The following NKTR variants were observed in gnomAD, a reference collection of about 807,000 sequenced individuals.
NKTR encodes the protein NK-tumor recognition protein.
NKTR carries 67 observed loss-of-function variants against 156.3 expected under a neutral mutation model. The ratio of observed to expected loss-of-function variants is 0.43; its 90% CI spans 0.35 to 0.53. NKTR has a LOEUF of 0.53. NKTR is among the 20% of genes least tolerant of loss of function. NKTR has a pLI of 0.01. For missense variants in NKTR, 1,604 were observed against 1,730.9 expected (o/e 0.93, Z 1.30); for synonymous variants, 640 against 596.6 (o/e 1.07, Z -1.06).
intron 2 of NKTR, 120 bp downstream of exon 2, chr3:42,601,184 T>C (rs1484201438): frequency 6.0e-5 from 44 of 738,490 alleles, no homozygotes; most frequent in Non-Finnish European, 1.7e-5. Context: ...GCAGGCAACT[T>C]TCCGTTTTCT....
chr3:42,640,183 G>A (rs927169219), intron 13 of NKTR, among the ~76,000 whole-genome samples: 1 of 152,210 alleles, frequency 6.6e-6, no homozygotes, highest in Non-Finnish European at 1.5e-5. Flanking sequence ...CCCAAGACAT[G>A]CATCTTAGTT....
chr3:42,602,600 C>A (rs575922028), intron 2 of NKTR: 1 of 146,468 alleles, frequency 6.8e-6, no homozygotes. Context: ...CCTTCTCTCT[C>A]TTTTTAATGT....
intron 6 of NKTR, chr3:42,629,090 G>A (rs184607437): frequency 3.1e-6 from 3 of 956,936 alleles, no homozygotes; most frequent in Non-Finnish European, 3.7e-6. Flanking sequence ...CTTGTCTTTA[G>A]TGTACTTTGG....
rs780503813 is a variant in NKTR at position 42,638,505 on chromosome 3, A to G, written c.2801A>G (p.Lys934Arg). 15 of 1,611,626 alleles carry G rather than the reference A, an allele frequency of 9.3e-6. No individual in the cohort carries two copies. Among genetic ancestry groups the G allele is most frequent in the African/African-American group, 2.7e-5 (2 of 74,752 alleles). Reference sequence around the variant, plus strand: ...CACATCAAAGTCAAACCCACAACCAAGTCGTCCACAAATACTTCACTGCCT... The same window carrying G: ...CACATCAAAGTCAAACCCACAACCAGGTCGTCCACAAATACTTCACTGCCT... ...EIHIKVKPTT[K>R]SSTNTSLPDD... is the part of the protein sequence containing the mutation. The change falls in exon 13 of 17, where the codon AAG becomes AGG. Residue 934 changes from lysine to arginine, a missense_variant. Lys to Arg is a conservative substitution (Grantham distance 26). This residue lies in a region of NKTR where 1,255 missense variants were observed against 1,243.7 expected (regional missense o/e 1.01). Coordinates refer to ENST00000232978, the MANE Select transcript of NKTR (RefSeq NM_005385.4).
chr3:42,621,662 A>C (rs1707916077), intron 6 of NKTR, 146 bp downstream of exon 6: 1 of 830,102 alleles, frequency 1.2e-6, no homozygotes, highest in Non-Finnish European at 1.8e-6. Flanking sequence ...GTAACTTATA[A>C]GGTCTAACAA....
At position 42,601,070 on chromosome 3, in the gene NKTR, CT is replaced by C; in HGVS notation, c.58+7del. The C allele has an allele frequency of 6.4e-7, 1 of 1,565,290 alleles. No homozygotes were observed. The highest frequency in any genetic ancestry group is 1.2e-5 in the South Asian group (1 of 84,536). On this transcript the variant is annotated splice_region_variant and intron_variant, in intron 2 of 16. Transcript: ENST00000232978. The stretch of plus-strand genomic sequence containing the variant: ...CGAGATCAACCGGGAGCCGGGTGAG[CT>C]GGAAACTGGGGAGCGCTGCTGGGGC...
At chr3:42,618,964 A>G (rs1256319848) in intron 3 of NKTR, 56 bp from the exon 4 acceptor site, 3 of 1,428,828 alleles carry the variant, frequency 2.1e-6, no homozygotes, top group East Asian at 4.7e-5. Context: ...TGTTCTTTCC[A>G]TGGAAGGATG....
At chr3:42,617,274 A>G (rs1707463096) in intron 2 of NKTR, among the ~76,000 whole-genome samples, 1 of 152,348 alleles carries the variant, frequency 6.6e-6, no homozygotes, top group East Asian at 1.9e-4. Flanking sequence ...TAGTTCAGAT[A>G]GGGAACTATA....
intron 6 of NKTR, among the ~76,000 whole-genome samples, chr3:42,626,732 A>C (rs1237056069): frequency 6.6e-6 from 1 of 152,168 alleles, no homozygotes; most frequent in African/African-American, 2.4e-5. Flanking sequence ...GAATTAGTTA[A>C]AAGTTCCTTG....
At chr3:42,605,492 A>G (rs1706145321) in intron 2 of NKTR, among the ~76,000 whole-genome samples, 1 of 152,244 alleles carries the variant, frequency 6.6e-6, no homozygotes. Context: ...TTTGAGTACT[A>G]CTTGTGTCCT....
chr3:42,603,941 T>C (rs779997620), intron 2 of NKTR, among the ~76,000 whole-genome samples: 1 of 152,144 alleles, frequency 6.6e-6, no homozygotes, highest in Non-Finnish European at 1.5e-5. Context: ...TTTCATCATG[T>C]TGGCCAGGCT....
rs764837065 is a variant in NKTR at position 42,636,976 on chromosome 3, T to C, written c.1272T>C (p.Ser424=). ...CAGACCTTAGTACAGCAAGACACTC[T>C]GGCCACCATAAAAAACGCAGAAAAG... is the stretch of plus-strand genomic sequence containing the variant. ...YYSDLSTARH[S]GHHKKRRKEK... Residue 424 remains serine (S), a synonymous_variant, in exon 13 of 17, where the codon TCT becomes TCC. Coordinates refer to ENST00000232978, the MANE Select transcript of NKTR (RefSeq NM_005385.4). 6.8e-6 allele frequency: 11 copies of C among 1,612,680 alleles called. No individual in the cohort carries two copies. The South Asian group carries it at 1.1e-4, about 16-fold the overall frequency.
Position 42,643,916 on chromosome 3 carries a change from A to G in NKTR, c.4214A>G (p.Asp1405Gly). 6.2e-7 allele frequency: 1 copy of G among 1,613,822 alleles called. No individual in the cohort carries two copies. The highest frequency in any genetic ancestry group is 8.5e-7 in the Non-Finnish European group (1 of 1,179,758). The change falls in exon 16 of 17, where the codon GAT (aspartate) becomes GGT (glycine). Residue 1405 changes from aspartate (D) to glycine (G), a missense_variant. By Grantham distance (94) the Asp-to-Gly change is moderately conservative (BLOSUM62 -1). This residue lies in a region of NKTR where 193 missense variants were observed against 220.2 expected (regional missense o/e 0.88). Transcript: ENST00000232978. ...PHSRSRSYTY[D>G]SYYSRSRSRS... ...CGTTAAAGCAGGTCCTACACCTACG[A>G]TAGCTACTATAGCAGGAGTCGGAGT...
At position 42,611,377 on chromosome 3, in the gene NKTR, C is replaced by A. The variant is rs143303559; in HGVS notation, c.59-6193C>A. Among the ~76,000 whole-genome samples the A allele has an allele frequency of 8.0e-3, 1,213 of 151,852 alleles. 16 individuals carry two copies. The highest frequency in any genetic ancestry group is 0.028 in the African/African-American group (1,151 of 41,368). On this transcript the variant is annotated intron_variant, in intron 2 of 16. Coordinates refer to ENST00000232978, the MANE Select transcript of NKTR (RefSeq NM_005385.4). ...TTATATCTTTTACTAGGTTGCTGCC[C>A]CTCCCACCAAAGAAGCTTGAAAGAT...
chr3:42,620,338 T>A, intron 5 of NKTR: 1 of 1,138,908 alleles, frequency 8.8e-7, no homozygotes, highest in Non-Finnish European at 1.1e-6. Context: ...ATGTTTTCTT[T>A]TGTATATTAG....
intron 4 of NKTR, 182 bp downstream of exon 4, chr3:42,619,309 G>T (rs1275263696): frequency 1.4e-6 from 2 of 1,379,452 alleles, no homozygotes; most frequent in East Asian, 5.5e-5. Flanking sequence ...TACCACGTAA[G>T]ACATTTTATT....
In NKTR at chr3:42,647,011, T is replaced by C. The variant is rs1710382893; in HGVS notation, c.*1036T>C. The C allele has an allele frequency of 6.6e-6, 1 of 150,724 alleles. No homozygotes were observed. Among genetic ancestry groups the C allele is most frequent in the African/African-American group, 2.4e-5 (1 of 41,260 alleles). 9.3% of individuals were successfully genotyped at this position (150,724 alleles called of 1,614,324 possible). A position where few individuals can be genotyped will look rare whatever the true frequency, so the allele number is the denominator to read the frequency against. Reference sequence around the variant, plus strand: ...TCAAAAGTAACATCAAAAATCTAACTGCCACCATCCTGGAGACATTTTGCA... The same window carrying C: ...TCAAAAGTAACATCAAAAATCTAACCGCCACCATCCTGGAGACATTTTGCA... On this transcript the variant is annotated 3_prime_UTR_variant, in exon 17 of 17. Transcript: ENST00000232978.
intron 2 of NKTR, among the ~76,000 whole-genome samples, chr3:42,606,732 G>A (rs1423466147): frequency 6.6e-6 from 1 of 151,766 alleles, no homozygotes; most frequent in Non-Finnish European, 1.5e-5. Context: ...TCTTGGCCAG[G>A]CACAGTGGCT....
chr3:42,614,750 C>T (rs1473101182), intron 2 of NKTR, among the ~76,000 whole-genome samples: 2 of 152,138 alleles, frequency 1.3e-5, no homozygotes, highest in Non-Finnish European at 1.5e-5. Flanking sequence ...TGCATATATA[C>T]TAGCATTTTA....
Sources: gnomAD v4.1 joint callset for allele counts (sites outside exome capture counted in the v4.1 genomes callset) on GRCh38, gnomAD v4.1.1 for gene constraint, gnomAD v4.1.1 regional missense constraint, MANE v1.5 for transcripts, NCBI Gene and HGNC (gene_info 2026-07-23, HGNC 2026-07-21) for gene names.